Variants in PCDH15 observed in about 807,000 individuals in gnomAD.
PCDH15 encodes protocadherin-15.
In PCDH15, 129 loss-of-function variants were observed where a neutral mutation model predicts 178.5. That is an observed-to-expected ratio of 0.72 (90% CI 0.63 to 0.84). The LOEUF is 0.84. PCDH15 is among the 40% of genes least tolerant of loss of function. The pLI, the probability that PCDH15 is intolerant of heterozygous loss-of-function variation, is 0.00. For missense variants in PCDH15, 2,230 were observed against 2,099.9 expected (o/e 1.06, Z -1.21); for synonymous variants, 800 against 732.0 (o/e 1.09, Z -1.50).
At chr10:55,089,688 T>A (rs1300526919) in intron 2 of PCDH15, among the ~76,000 whole-genome samples, 3 of 152,224 alleles carry the variant, frequency 2.0e-5, no homozygotes, top group African/African-American at 7.2e-5. Context: ...TACAAGAATA[T>A]CTGAGGAAAA....
rs1208135984 is a variant in PCDH15 at position 54,082,153 on chromosome 10, G to T, written c.1998-2729C>A. On this transcript the variant is annotated intron_variant, in intron 16 of 37. Coordinates refer to ENST00000644397, the MANE Select transcript of PCDH15 (RefSeq NM_001384140.1). The stretch of plus-strand genomic sequence containing the variant: ...GAGCTATCCTTATTCATAAAGAACT[G>T]TGGGGGTCTATTCTAGTCTGTCTGG... Among the ~76,000 whole-genome samples the T allele has an allele frequency of 2.0e-5, 3 of 152,256 alleles. No homozygotes were observed. The East Asian group carries it at 5.8e-4, about 29-fold the overall frequency.
chr10:53,985,156 T>G (rs1330333383), intron 21 of PCDH15, among the ~76,000 whole-genome samples: 9 of 152,194 alleles, frequency 5.9e-5, no homozygotes, highest in Non-Finnish European at 1.2e-4. Context: ...ATTTTGGTGT[T>G]GTTTACTAAG....
At chr10:54,775,834 C>T (rs1006411021) in intron 1 of PCDH15, among the ~76,000 whole-genome samples, 2 of 152,114 alleles carry the variant, frequency 1.3e-5, no homozygotes, top group African/African-American at 2.4e-5. Context: ...TGCAGTGAGC[C>T]GAGATAGCGC....
chr10:54,842,294 T>G (rs1272183936), intron 3 of PCDH15, among the ~76,000 whole-genome samples: 1 of 151,782 alleles, frequency 6.6e-6, no homozygotes, highest in African/African-American at 2.4e-5. Flanking sequence ...AGACCTATTG[T>G]TAAAATTATT....
chr10:55,200,179 A>G (rs1326635805), intron 1 of PCDH15, among the ~76,000 whole-genome samples: 1 of 152,106 alleles, frequency 6.6e-6, no homozygotes, highest in Non-Finnish European at 1.5e-5. Context: ...GCTCATGAAA[A>G]CATTCATGGG....
Position 54,489,120 on chromosome 10 carries a change from T to C in PCDH15, c.157+38692A>G, listed in dbSNP as rs186457245. Among the ~76,000 whole-genome samples, 546 of 152,188 alleles carry C rather than the reference T, an allele frequency of 3.6e-3. 4 individuals are homozygous for C. The highest frequency in any genetic ancestry group is 5.8e-3 in the Non-Finnish European group (392 of 67,936). The stretch of plus-strand genomic sequence containing the variant: ...ATTTATTATGCCCTGGATCAATCAA[T>C]TCTGAAGGAGCTAAGATACCATTAA... On this transcript the variant is annotated intron_variant, in intron 3 of 37. Transcript: ENST00000644397.
chr10:55,597,060 G>A (rs527905010), intron 2 of PCDH15: 1 of 152,238 alleles, frequency 6.6e-6, no homozygotes, highest in Admixed American at 6.5e-5. Flanking sequence ...ACTAGTCACG[G>A]GAGCATTGTC....
chr10:54,965,229 G>A (rs549565379), intron 2 of PCDH15, among the ~76,000 whole-genome samples: 43 of 152,216 alleles, frequency 2.8e-4, no homozygotes, highest in African/African-American at 8.2e-4. Flanking sequence ...TAGTGGCATG[G>A]TTTGGTTGTG....
chr10:55,293,003 C>A (rs934582116), intron 1 of PCDH15, among the ~76,000 whole-genome samples: 2 of 152,210 alleles, frequency 1.3e-5, no homozygotes, highest in Non-Finnish European at 2.9e-5. Flanking sequence ...TTCTGTACTG[C>A]CCTAGCAGAG....
chr10:54,608,237 G>T (rs1466938993), intron 2 of PCDH15, among the ~76,000 whole-genome samples: 2 of 151,688 alleles, frequency 1.3e-5, no homozygotes, highest in Non-Finnish European at 2.9e-5. Flanking sequence ...GGAGGCCGAG[G>T]TGGCTGGATT....
At position 54,575,044 on chromosome 10, in the gene PCDH15, G is replaced by A. The variant is rs572611175; in HGVS notation, c.92-47167C>T. Reference sequence around the variant, plus strand: ...AAAACATCATTCTCAGTAAACTATCGCAAGAACAAAAAACCAAGCACCACA... The same window carrying A: ...AAAACATCATTCTCAGTAAACTATCACAAGAACAAAAAACCAAGCACCACA... On this transcript the variant is annotated intron_variant, in intron 2 of 37. Transcript: ENST00000644397. Among the ~76,000 whole-genome samples the A allele has an allele frequency of 6.1e-3, 864 of 141,812 alleles. 7 individuals carry two copies. The highest frequency in any genetic ancestry group is 0.017 in the African/African-American group (657 of 37,580). 93.0% of individuals were successfully genotyped at this position (141,812 alleles called of 152,430 possible).
intron 9 of PCDH15, among the ~76,000 whole-genome samples, chr10:54,217,441 T>G (rs2134146890): frequency 6.6e-6 from 1 of 152,272 alleles, no homozygotes; most frequent in South Asian, 2.1e-4. Flanking sequence ...CCAAGATAGT[T>G]ATAGGAGTAT....
chr10:54,310,358 T>C (rs938798143), intron 8 of PCDH15, among the ~76,000 whole-genome samples: 13 of 152,118 alleles, frequency 8.5e-5, no homozygotes, highest in Admixed American at 7.9e-4. Context: ...ATGCCGAGTT[T>C]AGAGTATGTC....
chr10:55,238,425 A>G (rs928523631), intron 1 of PCDH15, among the ~76,000 whole-genome samples: 2 of 151,944 alleles, frequency 1.3e-5, no homozygotes, highest in African/African-American at 4.8e-5. Context: ...GCTGGGATTA[A>G]AGGCGTGAGC....
chr10:55,348,347 G>A (rs770434782), intron 2 of PCDH15, among the ~76,000 whole-genome samples: 2 of 151,974 alleles, frequency 1.3e-5, no homozygotes, highest in African/African-American at 2.4e-5. Flanking sequence ...GTCCTGTTAC[G>A]TGTGTTTGAA....
At chr10:55,061,679 CTG>C (rs1225069482) in intron 2 of PCDH15, among the ~76,000 whole-genome samples, 2 of 152,170 alleles carry the variant, frequency 1.3e-5, no homozygotes, top group African/African-American at 2.4e-5. Flanking sequence ...AATGGATAAA[CTG>C]TGCTACATCT....
intron 2 of PCDH15, among the ~76,000 whole-genome samples, chr10:55,359,720 G>GTATATATATATATA (rs57949952): frequency 6.6e-4 from 75 of 112,816 alleles, no homozygotes; most frequent in African/African-American, 2.3e-3. Flanking sequence ...AAAATGTGGT[G>GTATATATATATATA]TATATATATA....
At position 55,502,983 on chromosome 10, in the gene PCDH15, CA is replaced by C. The variant is rs1303748337; in HGVS notation, c.-156+124641del. ...TCTGAAGGAGCACTTTTATGTGTGA[CA>C]AATTAAACATTAATAGCAAAACAAC... is the stretch of plus-strand genomic sequence containing the variant. On this transcript the variant is annotated intron_variant, in intron 2 of 5. Transcript: ENST00000613346. 5.3e-5 allele frequency among the ~76,000 whole-genome samples: 8 copies of C among 151,550 alleles called. No individual in the cohort carries two copies. In the East Asian group the frequency reaches 1.4e-3, roughly 26 times the overall value.
chr10:55,334,879 T>C (rs549886325), intron 2 of PCDH15, among the ~76,000 whole-genome samples: 1 of 152,330 alleles, frequency 6.6e-6, no homozygotes, highest in Non-Finnish European at 1.5e-5. Context: ...GTATGCTGAA[T>C]GCTTTAAAAC....
Sources: allele counts gnomAD v4.1 joint callset (sites outside exome capture counted in the v4.1 genomes callset), GRCh38; gene constraint gnomAD v4.1.1; transcripts MANE v1.5; gene names NCBI Gene and HGNC (gene_info 2026-07-23, HGNC 2026-07-21).